The following TMEM71 variants were observed in gnomAD, a reference collection of about 807,000 sequenced individuals.
TMEM71 encodes the protein transmembrane protein 71.
TMEM71 carries 44 observed loss-of-function variants against 38.0 expected under a neutral mutation model. That is an observed-to-expected ratio of 1.16 (90% CI 0.91 to 1.49). The LOEUF is 1.49. TMEM71 is among the 40% of genes most tolerant of loss of function. The probability of loss-of-function intolerance (pLI) is 0.00; values close to 1 mark genes in which losing one functional copy is unlikely to be tolerated. For synonymous variants in TMEM71, 133 were observed against 122.5 expected (o/e 1.09, Z -0.56); for missense variants, 367 against 348.6 (o/e 1.05, Z -0.42).
At chr8:132,772,337 G>C in the TMEM71 span, among the ~76,000 whole-genome samples, 1 of 152,188 alleles carries the variant, frequency 6.6e-6, no homozygotes. Flanking sequence ...CTCAAACACA[G>C]CTGTAAGTTC....
upstream of TMEM71, among the ~76,000 whole-genome samples, chr8:132,763,629 TACACAGGAA>T (rs775725671): frequency 1.3e-5 from 2 of 152,208 alleles, no homozygotes; most frequent in Non-Finnish European, 2.9e-5. Context: ...CTTGCTACTA[TACACAGGAA>T]ACATGGTCTC....
At chr8:132,722,312 T>C (rs1826900624) in intron 6 of TMEM71, among the ~76,000 whole-genome samples, 197 bp from the exon 7 acceptor site, 1 of 152,200 alleles carries the variant, frequency 6.6e-6, no homozygotes, top group South Asian at 2.1e-4. Context: ...TTAGAAAATT[T>C]CTGCAAATAA....
Position 132,751,971 on chromosome 8 carries a change from T to C in TMEM71, c.128A>G (p.Tyr43Cys), listed in dbSNP as rs959768077. Residue 43 changes from tyrosine to cysteine, a missense_variant, in exon 4 of 10, where the codon TAC becomes TGC. Transcript: ENST00000677595. ...PSFTCDSLDGYHSFECGSIDP... is the reference protein window; with the variant it reads ...PSFTCDSLDGCHSFECGSIDP... ...TATGGAGCCGCATTCAAAAGAATGG[T>C]AACCATCCAGGGAATCACAGGTGAA... 6.2e-7 allele frequency: 1 copy of C among 1,613,948 alleles called. No individual in the cohort carries two copies. The highest frequency in any genetic ancestry group is 8.5e-7 in the Non-Finnish European group (1 of 1,180,018).
Position 132,735,835 on chromosome 8 carries a change from C to T in TMEM71, c.488-7849G>A, listed in dbSNP as rs530304206. 3.9e-5 allele frequency among the ~76,000 whole-genome samples: 6 copies of T among 152,338 alleles called. No individual in the cohort carries two copies. In the South Asian group the frequency reaches 1.2e-3, roughly 32 times the overall value. On this transcript the variant is annotated intron_variant, in intron 5 of 9. Transcript: ENST00000677595. ...CCAAATCCCAGAACCTGCTTGCTCT[C>T]AGCCATTTAATATTTTCTTAAGATT...
chr8:132,730,854 A>G (rs1827415925), intron 5 of TMEM71, among the ~76,000 whole-genome samples: 2 of 152,124 alleles, frequency 1.3e-5, no homozygotes, highest in Admixed American at 1.3e-4. Context: ...GTCCCAAAAG[A>G]AGTTGAAATC....
Position 132,729,716 on chromosome 8 carries a change from G to A in TMEM71, c.488-1730C>T, listed in dbSNP as rs533462431. 2.0e-4 allele frequency among the ~76,000 whole-genome samples: 30 copies of A among 152,256 alleles called. No individual in the cohort carries two copies. The South Asian group carries it at 5.2e-3, about 26-fold the overall frequency. On this transcript the variant is annotated intron_variant, in intron 5 of 9. Transcript: ENST00000677595. ...GCCTTAGAAGTCATAGTAGTCAAAG[G>A]TCTATGGATTAAATGACATTAGGGA...
At chr8:132,750,118 C>T (rs1271585765) in intron 4 of TMEM71, among the ~76,000 whole-genome samples, 3 of 152,130 alleles carry the variant, frequency 2.0e-5, no homozygotes. Flanking sequence ...CCTATACCAT[C>T]TTATCCTGAC....
At chr8:132,714,344 T>C in intron 7 of TMEM71, 129 bp from the exon 8 acceptor site, 1 of 723,732 alleles carries the variant, frequency 1.4e-6, no homozygotes, top group Non-Finnish European at 2.4e-6. Context: ...AAGACAGTGG[T>C]ATTGGAAAAT....
chr8:132,712,845 C>A (rs940186386), intron 9 of TMEM71, among the ~76,000 whole-genome samples: 31 of 151,052 alleles, frequency 2.1e-4, no homozygotes, highest in African/African-American at 7.3e-4. Flanking sequence ...TTTCTTTTTT[C>A]TTTTTCTTTT....
chr8:132,705,929 G>T (rs1826089609), downstream of TMEM71, among the ~76,000 whole-genome samples: 1 of 152,168 alleles, frequency 6.6e-6, no homozygotes, highest in Admixed American at 6.6e-5. Context: ...ATATGTTGAA[G>T]CTCTAATCCC....
the TMEM71 span, chr8:132,775,584 C>T: frequency 8.5e-6 from 3 of 352,228 alleles, no homozygotes; most frequent in Non-Finnish European, 1.5e-5. Context: ...GCTGGCCGCC[C>T]TGCTCGTGCC....
At position 132,714,068 on chromosome 8, in the gene TMEM71, G is replaced by T. The variant is rs757061127; in HGVS notation, c.815-16C>A. 1.5e-5 allele frequency: 24 copies of T among 1,613,750 alleles called. No individual in the cohort carries two copies. The highest frequency in any genetic ancestry group is 2.0e-5 in the Non-Finnish European group (24 of 1,179,832). Reference sequence around the variant, plus strand: ...GATTTCACATCTTGAGTGAAACAGAGAAAATATTTTAAAATCATTTTAAAG... The same window carrying T: ...GATTTCACATCTTGAGTGAAACAGATAAAATATTTTAAAATCATTTTAAAG... On this transcript the variant is annotated splice_polypyrimidine_tract_variant and intron_variant, in intron 8 of 9. Coordinates refer to ENST00000677595, the MANE Select transcript of TMEM71 (RefSeq NM_001382403.1).
rs201268728 is a variant in TMEM71, at chr8:132,751,948, T to A, written c.151A>T (p.Ile51Leu). 3 of 1,614,102 alleles carry A rather than the reference T, an allele frequency of 1.9e-6. No homozygotes were observed. In the Admixed American group the frequency reaches 5.0e-5, roughly 27 times the overall value. The part of the protein sequence containing the change: ...DGYHSFECGS[I>L]DPLTGSHYTC... Reference sequence around the variant, plus strand: ...TAGTGGGAGCCTGTCAGGGGATCTATGGAGCCGCATTCAAAAGAATGGTAA... The same window carrying A: ...TAGTGGGAGCCTGTCAGGGGATCTAAGGAGCCGCATTCAAAAGAATGGTAA... The change falls in exon 4 of 10, where the codon ATA becomes TTA. Residue 51 changes from isoleucine (I) to leucine (L), a missense_variant. Ile to Leu is a conservative substitution (Grantham distance 5, BLOSUM62 2). Coordinates refer to ENST00000677595, the MANE Select transcript of TMEM71 (RefSeq NM_001382403.1).
chr8:132,732,061 C>T (rs1177830651), intron 5 of TMEM71, among the ~76,000 whole-genome samples: 2 of 152,166 alleles, frequency 1.3e-5, no homozygotes, highest in Non-Finnish European at 2.9e-5. Context: ...ATTGTATATA[C>T]TGCAAATGCT....
chr8:132,749,572 A>C (rs935401854), intron 4 of TMEM71, among the ~76,000 whole-genome samples: 2 of 152,176 alleles, frequency 1.3e-5, no homozygotes, highest in Non-Finnish European at 1.5e-5. Flanking sequence ...AGTTGGCTCC[A>C]GGCAATTCCA....
intron 5 of TMEM71, 27 bp from the exon 6 acceptor site, chr8:132,728,013 A>T (rs755388867): frequency 1.1e-5 from 12 of 1,080,586 alleles, no homozygotes; most frequent in Non-Finnish European, 1.3e-5. Context: ...GTTCAGTGTG[A>T]GTGTGTGTGT....
chr8:132,736,612 T>C (rs1827761291), intron 5 of TMEM71, among the ~76,000 whole-genome samples: 1 of 152,144 alleles, frequency 6.6e-6, no homozygotes, highest in Non-Finnish European at 1.5e-5. Context: ...GGCAGATTAC[T>C]TGAGCTCAGG....
At chr8:132,775,351 G>T in the TMEM71 span, 2 of 353,990 alleles carry the variant, frequency 5.6e-6, no homozygotes, top group Non-Finnish European at 1.0e-5. Flanking sequence ...CCGGCACGTC[G>T]CGGGCGGCTG....
At chr8:132,724,037 G>T (rs576955765) in intron 6 of TMEM71, among the ~76,000 whole-genome samples, 15 of 152,282 alleles carry the variant, frequency 9.9e-5, no homozygotes, top group African/African-American at 3.4e-4. Context: ...GGGAGGGGGT[G>T]CAAGAACAGC....
Sources: gnomAD v4.1 joint callset for allele counts (sites outside exome capture counted in the v4.1 genomes callset) on GRCh38, gnomAD v4.1.1 for gene constraint, MANE v1.5 for transcripts, NCBI Gene and HGNC (gene_info 2026-07-23, HGNC 2026-07-21) for gene names.